The following SESTD1 variants were observed in gnomAD, a reference collection of about 807,000 sequenced individuals.
SESTD1 encodes the protein SEC14 domain and spectrin repeat-containing protein 1.
Under a neutral mutation model 101.7 loss-of-function variants are expected in SESTD1, and 43 were observed. That is an observed-to-expected ratio of 0.42 (90% CI 0.33 to 0.55). The LOEUF (loss-of-function observed/expected upper bound fraction) is 0.55. Among genes scored for constraint, SESTD1 ranks in the 20% least tolerant of loss-of-function variants. The probability of loss-of-function intolerance (pLI) is 0.07; values close to 1 mark genes in which losing one functional copy is unlikely to be tolerated. For missense variants in SESTD1, 647 were observed against 815.1 expected (o/e 0.79, Z 2.51); for synonymous variants, 283 against 286.8 (o/e 0.99, Z 0.13).
intron 7 of SESTD1, among the ~76,000 whole-genome samples, chr2:179,147,222 G>A (rs2045414761): frequency 6.6e-6 from 1 of 151,904 alleles, no homozygotes; most frequent in African/African-American, 2.4e-5. Flanking sequence ...GGGATCTGGG[G>A]TTTAAAGGAA....
chr2:179,199,342 C>T (rs1574030310), intron 1 of SESTD1, among the ~76,000 whole-genome samples: 1 of 152,114 alleles, frequency 6.6e-6, no homozygotes, highest in Non-Finnish European at 1.5e-5. Flanking sequence ...GAGTCCAGGA[C>T]CAGATGGATT....
intron 10 of SESTD1, among the ~76,000 whole-genome samples, chr2:179,129,135 A>T (rs2044951102): frequency 6.6e-6 from 1 of 152,240 alleles, no homozygotes; most frequent in South Asian, 2.1e-4. Context: ...TTGATTCGCC[A>T]GGTAGACCTG....
At chr2:179,131,029 C>G (rs1032173606) in intron 10 of SESTD1, among the ~76,000 whole-genome samples, 18 of 148,472 alleles carry the variant, frequency 1.2e-4, no homozygotes, top group Non-Finnish European at 2.4e-4. Flanking sequence ...ATTTCATTTT[C>G]AAGTTTTTTA....
chr2:179,183,311 T>A, intron 2 of SESTD1, 123 bp from the exon 3 acceptor site: 1 of 545,680 alleles, frequency 1.8e-6, no homozygotes, highest in Non-Finnish European at 2.9e-6. Context: ...GGAAAATATC[T>A]AATGGCTACT....
intron 1 of SESTD1, among the ~76,000 whole-genome samples, chr2:179,198,948 C>T (rs542222320): frequency 6.6e-6 from 1 of 151,994 alleles, no homozygotes; most frequent in Non-Finnish European, 1.5e-5. Context: ...CAAGAAATAA[C>T]TAAAATCGGA....
At chr2:179,237,895 T>A (rs2047092840) in intron 1 of SESTD1, among the ~76,000 whole-genome samples, 1 of 152,104 alleles carries the variant, frequency 6.6e-6, no homozygotes, top group Admixed American at 6.6e-5. Flanking sequence ...TAATTGTAAG[T>A]GGACCTTTGA....
rs1162933036 is a variant in SESTD1, at chr2:179,108,135, G to C, written c.*1764C>G. 1 of 152,148 alleles carries C rather than the reference G, an allele frequency of 6.6e-6. No homozygotes were observed. The highest frequency in any genetic ancestry group is 1.5e-5 in the Non-Finnish European group (1 of 68,024). 9.4% of individuals were successfully genotyped at this position (152,148 alleles called of 1,614,324 possible). A position where few individuals can be genotyped will look rare whatever the true frequency, so the allele number is the denominator to read the frequency against. ...GCAATTAAAAAGAAGTACAAGTCTAGATTTCTGGACCAGGTATGTAATCCA... is the reference window on the plus strand; with the variant it reads ...GCAATTAAAAAGAAGTACAAGTCTACATTTCTGGACCAGGTATGTAATCCA... On this transcript the variant is annotated 3_prime_UTR_variant, in exon 18 of 18. Coordinates refer to ENST00000428443, the MANE Select transcript of SESTD1 (RefSeq NM_178123.5).
At chr2:179,153,861 C>T (rs556825688) in intron 5 of SESTD1, among the ~76,000 whole-genome samples, 5 of 151,952 alleles carry the variant, frequency 3.3e-5, no homozygotes, top group Admixed American at 1.3e-4. Flanking sequence ...TGCCATGAAT[C>T]GAAACATTAA....
chr2:179,180,716 C>A (rs1034904942), intron 3 of SESTD1, among the ~76,000 whole-genome samples: 1 of 152,068 alleles, frequency 6.6e-6, no homozygotes, highest in Non-Finnish European at 1.5e-5. Flanking sequence ...TGGGGGGTTA[C>A]GTTTTAAAAG....
At chr2:179,121,023 AC>A (rs2044737488) in intron 13 of SESTD1, among the ~76,000 whole-genome samples, 1 of 152,176 alleles carries the variant, frequency 6.6e-6, no homozygotes, top group African/African-American at 2.4e-5. Flanking sequence ...TTTGATATAA[AC>A]GGAGAGCTCT....
intron 3 of SESTD1, among the ~76,000 whole-genome samples, chr2:179,181,596 G>C (rs2046111039): frequency 6.6e-6 from 1 of 152,094 alleles, no homozygotes; most frequent in African/African-American, 2.4e-5. Context: ...ATTGGTGTCA[G>C]GAATCATGGA....
intron 2 of SESTD1, among the ~76,000 whole-genome samples, chr2:179,183,468 A>G (rs1036844561): frequency 2.6e-5 from 4 of 152,142 alleles, no homozygotes; most frequent in Non-Finnish European, 4.4e-5. Context: ...AATGTAATCA[A>G]TTCATCAAAC....
intron 9 of SESTD1, among the ~76,000 whole-genome samples, chr2:179,143,073 A>AGTATTTTTT (rs1336955592): frequency 6.6e-6 from 1 of 152,122 alleles, no homozygotes; most frequent in African/African-American, 2.4e-5. Flanking sequence ...GTCTCCCTTT[A>AGTATTTTTT]GTATTTTAGC....
At chr2:179,157,279 GA>G (rs2105457680) in intron 5 of SESTD1, among the ~76,000 whole-genome samples, 1 of 152,048 alleles carries the variant, frequency 6.6e-6, no homozygotes, top group East Asian at 1.9e-4. Context: ...TCAATATTGT[GA>G]AAATGCCCAT....
At chr2:179,143,503 T>G (rs1045390076) in intron 9 of SESTD1, 89 bp downstream of exon 9, 2 of 1,106,094 alleles carry the variant, frequency 1.8e-6, no homozygotes. Context: ...AGGTTTTCTA[T>G]ATAGTGTATA....
intron 1 of SESTD1, among the ~76,000 whole-genome samples, chr2:179,252,170 C>T (rs149765551): frequency 4.6e-4 from 70 of 152,328 alleles, no homozygotes; most frequent in African/African-American, 1.4e-3. Flanking sequence ...ATGTTCAGAA[C>T]AGAATTAAAC....
rs189379422 is a variant in SESTD1, at chr2:179,172,326, A to G, written c.256-93T>C. The G allele has an allele frequency of 2.2e-3, 1,619 of 731,292 alleles. 10 individuals are homozygous for G. The highest frequency in any genetic ancestry group is 0.015 in the South Asian group (489 of 31,816). 45.3% of individuals were successfully genotyped at this position (731,292 alleles called of 1,614,324 possible). ...TACCAGACAGTCAAGATTATGCTAC[A>G]TAAGAGATTTTTGGAGAAGAATTAA... On this transcript the variant is annotated intron_variant, in intron 4 of 17. Coordinates refer to ENST00000428443, the MANE Select transcript of SESTD1 (RefSeq NM_178123.5).
chr2:179,207,909 G>A (rs990667940), intron 1 of SESTD1, among the ~76,000 whole-genome samples: 1 of 134,704 alleles, frequency 7.4e-6, no homozygotes, highest in African/African-American at 2.9e-5. Flanking sequence ...AGAATCAGAA[G>A]GTTGATTATT....
chr2:179,229,782 T>TACACACACACACACAC (rs141203169), intron 1 of SESTD1, among the ~76,000 whole-genome samples: 4 of 115,460 alleles, frequency 3.5e-5, no homozygotes, highest in Admixed American at 9.1e-5. Flanking sequence ...TATACTCAAA[T>TACACACACACACACAC]ACACACACAC....
Sources: allele counts gnomAD v4.1 joint callset (sites outside exome capture counted in the v4.1 genomes callset), GRCh38; gene constraint gnomAD v4.1.1; transcripts MANE v1.5; gene names NCBI Gene and HGNC (gene_info 2026-07-23, HGNC 2026-07-21).